Variants in COL21A1 observed in about 807,000 individuals in gnomAD.
The protein encoded by COL21A1 is collagen type XXI alpha 1 chain, also known as collagen alpha-1(XXI) chain.
A neutral mutation model predicts 137.9 loss-of-function variants in COL21A1; 149 were observed. The observed-to-expected ratio is 1.08, with a 90% CI of 0.95 to 1.24. The LOEUF (loss-of-function observed/expected upper bound fraction) is 1.24. Among genes scored for constraint, COL21A1 ranks in the 50% most tolerant of loss-of-function variants. The pLI, the probability that COL21A1 is intolerant of heterozygous loss-of-function variation, is 0.00. For missense variants in COL21A1, 1,167 were observed against 1,158.4 expected (o/e 1.01, Z -0.11); for synonymous variants, 456 against 391.5 (o/e 1.16, Z -1.95).
At chr6:56,167,199 G>C (rs879936496) in intron 6 of COL21A1, among the ~76,000 whole-genome samples, 4 of 152,166 alleles carry the variant, frequency 2.6e-5, no homozygotes, top group Non-Finnish European at 4.4e-5. Context: ...CTAGCACCAA[G>C]AGCAAATCGA....
At chr6:56,148,392 A>T in intron 10 of COL21A1, among the ~76,000 whole-genome samples, 1 of 116,980 alleles carries the variant, frequency 8.5e-6, no homozygotes, top group East Asian at 2.7e-4. Flanking sequence ...AAATAAATAA[A>T]TCTATTTGCC....
intron 1 of COL21A1, among the ~76,000 whole-genome samples, chr6:56,385,349 G>C (rs369383723): frequency 6.6e-6 from 1 of 152,194 alleles, no homozygotes; most frequent in South Asian, 2.1e-4. Context: ...TAAAATCAAA[G>C]TGTTGGCAGA....
chr6:56,189,018 T>G (rs1365038921), intron 1 of COL21A1, among the ~76,000 whole-genome samples: 2 of 152,092 alleles, frequency 1.3e-5, no homozygotes, highest in East Asian at 3.9e-4. Context: ...GAGAAACCAG[T>G]GCAAAAATGC....
chr6:56,181,226 C>G (rs939499618), intron 2 of COL21A1, among the ~76,000 whole-genome samples: 1 of 152,216 alleles, frequency 6.6e-6, no homozygotes, highest in Admixed American at 6.5e-5. Flanking sequence ...ATTCCAACAA[C>G]CTCTGCCATG....
At chr6:56,357,860 G>C (rs1674266515) in intron 1 of COL21A1, among the ~76,000 whole-genome samples, 1 of 152,138 alleles carries the variant, frequency 6.6e-6, no homozygotes, top group South Asian at 2.1e-4. Flanking sequence ...AAAAAATGCT[G>C]TGCTACCCAC....
chr6:56,274,604 T>G (rs1444788115), intron 1 of COL21A1, among the ~76,000 whole-genome samples: 1 of 151,826 alleles, frequency 6.6e-6, no homozygotes, highest in Non-Finnish European at 1.5e-5. Flanking sequence ...GAGAACAACA[T>G]CATTTACAAT....
intron 1 of COL21A1, among the ~76,000 whole-genome samples, chr6:56,302,954 C>A (rs1421980164): frequency 7.2e-5 from 11 of 152,064 alleles, no homozygotes; most frequent in Non-Finnish European, 1.3e-4. Context: ...ATATGGCTAG[C>A]CAGTTTTCCC....
intron 12 of COL21A1, among the ~76,000 whole-genome samples, chr6:56,140,394 T>G (rs1377924046): frequency 6.6e-6 from 1 of 152,154 alleles, no homozygotes; most frequent in African/African-American, 2.4e-5. Context: ...GCACATCTAA[T>G]TTCAATTATC....
intron 1 of COL21A1, among the ~76,000 whole-genome samples, chr6:56,235,918 T>C (rs1781868595): frequency 6.6e-6 from 1 of 151,990 alleles, no homozygotes; most frequent in Non-Finnish European, 1.5e-5. Context: ...AAATTTGGAT[T>C]GTAGAATGCT....
intron 1 of COL21A1, among the ~76,000 whole-genome samples, chr6:56,305,116 A>G (rs1456906508): frequency 2.6e-5 from 4 of 152,112 alleles, no homozygotes; most frequent in South Asian, 4.1e-4. Context: ...TACAATTTCT[A>G]TTCTTTTACA....
chr6:56,118,158 GACAA>G (rs1362370766), intron 16 of COL21A1, among the ~76,000 whole-genome samples: 1 of 147,326 alleles, frequency 6.8e-6, no homozygotes, highest in Admixed American at 6.7e-5. Context: ...TTTTTGAAAA[GACAA>G]ACAAAATTGA....
At chr6:56,335,770 A>G (rs1266273090) in intron 1 of COL21A1, among the ~76,000 whole-genome samples, 2 of 152,128 alleles carry the variant, frequency 1.3e-5, no homozygotes, top group African/African-American at 4.8e-5. Flanking sequence ...TTTGGGCTTT[A>G]TTTATTCCCA....
At chr6:56,284,950 A>G (rs1176597514) in intron 1 of COL21A1, among the ~76,000 whole-genome samples, 2 of 152,170 alleles carry the variant, frequency 1.3e-5, no homozygotes, top group Non-Finnish European at 2.9e-5. Flanking sequence ...TTTGGGCATT[A>G]GTACTTTTTA....
chr6:56,175,053 A>C (rs1051262760), intron 3 of COL21A1, among the ~76,000 whole-genome samples: 1 of 152,126 alleles, frequency 6.6e-6, no homozygotes, highest in Non-Finnish European at 1.5e-5. Context: ...TAACATGATC[A>C]TCTCAATGGA....
chr6:56,277,797 AAT>A (rs1292719747), intron 1 of COL21A1, among the ~76,000 whole-genome samples: 1 of 152,214 alleles, frequency 6.6e-6, no homozygotes, highest in East Asian at 1.9e-4. Flanking sequence ...AAATGTTAGT[AAT>A]AGTTGGTGAA....
At chr6:56,229,032 AT>A (rs910393257) in intron 1 of COL21A1, among the ~76,000 whole-genome samples, 2 of 151,878 alleles carry the variant, frequency 1.3e-5, no homozygotes, top group African/African-American at 4.8e-5. Flanking sequence ...AGATAATAGC[AT>A]TATGGATATG....
intron 3 of COL21A1, among the ~76,000 whole-genome samples, chr6:56,176,560 GAAATGT>G (rs1308094323): frequency 6.9e-6 from 1 of 144,890 alleles, no homozygotes; most frequent in Non-Finnish European, 1.5e-5. Flanking sequence ...ATACTACAAT[GAAATGT>G]TACCTCATAC....
intron 10 of COL21A1, among the ~76,000 whole-genome samples, chr6:56,151,533 G>A (rs564504427): frequency 6.6e-6 from 1 of 152,320 alleles, no homozygotes; most frequent in African/African-American, 2.4e-5. Flanking sequence ...GAAAGAAATG[G>A]AAGGATCTGA....
At chr6:56,108,831 A>G (rs973700689) in intron 16 of COL21A1, among the ~76,000 whole-genome samples, 14 of 151,920 alleles carry the variant, frequency 9.2e-5, no homozygotes, top group African/African-American at 3.1e-4. Context: ...TAAACATACA[A>G]TAAGTCAAAG....
Sources: allele counts gnomAD v4.1 joint callset (sites outside exome capture counted in the v4.1 genomes callset), GRCh38; gene constraint gnomAD v4.1.1; transcripts MANE v1.5; gene names NCBI Gene and HGNC (gene_info 2026-07-23, HGNC 2026-07-21).